Variants in OR2C3 observed in about 807,000 individuals in gnomAD.
The protein encoded by OR2C3 is olfactory receptor family 2 subfamily C member 3, also known as olfactory receptor 2C3.
For synonymous variants in OR2C3, 178 were observed against 163.4 expected (o/e 1.09, Z -0.68); for missense variants, 425 against 401.5 (o/e 1.06, Z -0.50).
rs376920492 is a variant in OR2C3 at position 247,531,766 on chromosome 1, A to T, written c.746T>A (p.Val249Glu). Residue 249 changes from valine to glutamate, a missense_variant, in exon 3 of 3, where the codon GTG becomes GAG. Val to Glu is a moderately radical substitution (Grantham distance 121). Transcript: ENST00000641802. ...FNTCSSHVAVVSLFYGSIIFM... is the reference protein window; with the variant it reads ...FNTCSSHVAVESLFYGSIIFM... ...GATGATGCTCCCGTAAAACAGAGAC[A>T]CCACAGCCACGTGGGAAGAACAGGT... 67 of 1,614,078 alleles carry T rather than the reference A, an allele frequency of 4.2e-5. No individual in the cohort carries two copies. The highest frequency in any genetic ancestry group is 5.6e-5 in the Non-Finnish European group (66 of 1,180,044).
In OR2C3 at chr1:247,527,705, A is replaced by G. The variant is rs1383938362; in HGVS notation, c.*3844T>C. On this transcript the variant is annotated 3_prime_UTR_variant, in exon 3 of 3. Transcript: ENST00000641802. The surrounding 1 kb of genome is among the most constrained non-coding windows in gnomAD (Gnocchi z 4.6). ...TAGTGATCAGATAAGTGTGATTAGAATATCCATCATCTCAAACATTTATCG... is the reference window on the plus strand; with the variant it reads ...TAGTGATCAGATAAGTGTGATTAGAGTATCCATCATCTCAAACATTTATCG... 6.6e-6 allele frequency: 1 copy of G among 152,234 alleles called. No homozygotes were observed. Among genetic ancestry groups the G allele is most frequent in the Non-Finnish European group, 1.5e-5 (1 of 68,054 alleles). 9.4% of individuals were successfully genotyped at this position (152,234 alleles called of 1,614,324 possible).
At chr1:247,535,785 T>A (rs1344848024) in intron 1 of OR2C3, among the ~76,000 whole-genome samples, 2 of 152,218 alleles carry the variant, frequency 1.3e-5, no homozygotes, top group Non-Finnish European at 1.5e-5. Context: ...AGATTCTTAG[T>A]ACAAAAATAG....
intron 1 of OR2C3, among the ~76,000 whole-genome samples, chr1:247,534,789 CAT>C (rs1395836830): frequency 6.6e-6 from 1 of 152,160 alleles, no homozygotes. Context: ...CATGAACAGA[CAT>C]GTGCATTCAG....
intron 1 of OR2C3, among the ~76,000 whole-genome samples, chr1:247,534,357 T>C (rs576884609): frequency 6.6e-6 from 1 of 152,144 alleles, no homozygotes; most frequent in African/African-American, 2.4e-5. Flanking sequence ...AAAGGTTCTG[T>C]GGGGTGGAAG....
Position 247,531,347 on chromosome 1 carries a change from A to C in OR2C3, c.*202T>G, listed in dbSNP as rs1301474012. Reference sequence around the variant, plus strand: ...TATATATAGCAAAAACCAACAACGCAATTGAACAAAACTATGATAATTAGC... The same window carrying C: ...TATATATAGCAAAAACCAACAACGCCATTGAACAAAACTATGATAATTAGC... On this transcript the variant is annotated 3_prime_UTR_variant, in exon 3 of 3. Coordinates refer to ENST00000641802, the MANE Select transcript of OR2C3 (RefSeq NM_198074.6). The C allele has an allele frequency of 1.0e-5, 6 of 602,490 alleles. No homozygotes were observed. Among genetic ancestry groups the C allele is most frequent in the Non-Finnish European group, 1.2e-5 (4 of 345,092 alleles). The allele number at this position is 602,490 out of a possible 1,614,324, so 37.3% of individuals were successfully genotyped here. A position where few individuals can be genotyped will look rare whatever the true frequency, so the allele number is the denominator to read the frequency against.
chr1:247,528,034 T>C lies in OR2C3; in HGVS notation c.*3515A>G, dbSNP rs144513786. The C allele has an allele frequency of 4.6e-5, 7 of 152,294 alleles. No homozygotes were observed. In the East Asian group the frequency reaches 7.7e-4, roughly 17 times the overall value. 9.4% of individuals were successfully genotyped at this position (152,294 alleles called of 1,614,324 possible). ...ATTTTATCTAATACTTTAAAAGTTA[T>C]GATTTCCCCCATTTGTTTCTGTTTC... On this transcript the variant is annotated 3_prime_UTR_variant, in exon 3 of 3. Transcript: ENST00000641802.
chr1:247,533,346 C>T (rs772718472), intron 2 of OR2C3, among the ~76,000 whole-genome samples, 161 bp downstream of exon 2: 8 of 152,236 alleles, frequency 5.3e-5, no homozygotes, highest in African/African-American at 9.6e-5. Flanking sequence ...CATTCTTCCC[C>T]GCAGTTAGCC....
intron 1 of OR2C3, among the ~76,000 whole-genome samples, chr1:247,535,801 T>C (rs1174863159): frequency 6.6e-6 from 1 of 152,176 alleles, no homozygotes. Context: ...AATAGCGTTT[T>C]CAGTAAAGGA....
rs1288288734 is a variant in OR2C3, at chr1:247,527,102, T to C, written c.*4447A>G. ...ATTTCCTTGGGTTCTGGAGAGGATGTCTTCATTTTCTGTTAAGCATTTAGG... is the reference window on the plus strand; with the variant it reads ...ATTTCCTTGGGTTCTGGAGAGGATGCCTTCATTTTCTGTTAAGCATTTAGG... On this transcript the variant is annotated 3_prime_UTR_variant, in exon 3 of 3. Coordinates refer to ENST00000641802, the MANE Select transcript of OR2C3 (RefSeq NM_198074.6). The surrounding 1 kb of genome is among the most constrained non-coding windows in gnomAD (Gnocchi z 4.6). 2 of 455,954 alleles carry C rather than the reference T, an allele frequency of 4.4e-6. No homozygotes were observed. The highest frequency in any genetic ancestry group is 8.8e-6 in the Non-Finnish European group (2 of 226,642). The allele number at this position is 455,954 out of a possible 1,614,324, so 28.2% of individuals were successfully genotyped here. A position where few individuals can be genotyped will look rare whatever the true frequency, so the allele number is the denominator to read the frequency against.
In OR2C3 at chr1:247,531,555, T is replaced by A. The variant is rs752103895; in HGVS notation, c.957A>T (p.Gln319His). 6.2e-7 allele frequency: 1 copy of A among 1,612,930 alleles called. No homozygotes were observed. The highest frequency in any genetic ancestry group is 1.3e-5 in the African/African-American group (1 of 74,870). ...NCCGSAGKLA[Q>H]I is the part of the protein sequence containing the mutation. ...TCAGAAGGCACTGGAGTCTCTAAAT[T>A]TGCGCCAGCTTGCCTGCAGAGCCAC... The change falls in exon 3 of 3, where the codon CAA becomes CAT. Residue 319 changes from glutamine (Q) to histidine (H), a missense_variant. Physicochemically the swap from Gln to His is conservative, Grantham distance 24. Coordinates refer to ENST00000641802, the MANE Select transcript of OR2C3 (RefSeq NM_198074.6).
chr1:247,532,235 T>A lies in OR2C3; in HGVS notation c.277A>T (p.Ile93Leu). 1 of 1,614,160 alleles carries A rather than the reference T, an allele frequency of 6.2e-7. No individual in the cohort carries two copies. The highest frequency in any genetic ancestry group is 8.5e-7 in the Non-Finnish European group (1 of 1,180,012). The change falls in exon 3 of 3, where the codon ATA becomes TTA. Residue 93 changes from isoleucine (I) to leucine (L), a missense_variant. Ile to Leu is a conservative substitution (Grantham distance 5). Coordinates refer to ENST00000641802, the MANE Select transcript of OR2C3 (RefSeq NM_198074.6). ...LANLWGPQKT[I>L]SYGGCVVQFY... Reference sequence around the variant, plus strand: ...TGGACCACACACCCTCCATAGCTTATGGTTTTCTGTGGTCCCCAGAGGTTA... The same window carrying A: ...TGGACCACACACCCTCCATAGCTTAAGGTTTTCTGTGGTCCCCAGAGGTTA...
rs1408363066 is a variant in OR2C3 at position 247,526,635 on chromosome 1, T to TA, written c.*4913_*4914insT. 7.0e-6 allele frequency: 2 copies of TA among 287,538 alleles called. No individual in the cohort carries two copies. Among genetic ancestry groups the TA allele is most frequent in the Non-Finnish European group, 1.4e-5 (2 of 148,100 alleles). The allele number at this position is 287,538 out of a possible 1,614,324, so 17.8% of individuals were successfully genotyped here. A position where few individuals can be genotyped will look rare whatever the true frequency, so the allele number is the denominator to read the frequency against. ...TGCATGCTGTGGTGATGCATGACCCTCACAGTGTGCAGCATGGGAGGAAAC... is the reference window on the plus strand; with the variant it reads ...TGCATGCTGTGGTGATGCATGACCCTACACAGTGTGCAGCATGGGAGGAAAC... On this transcript the variant is annotated 3_prime_UTR_variant, in exon 3 of 3. Transcript: ENST00000641802. This position sits in a 1 kb window ranked among gnomAD's most constrained non-coding sequence, Gnocchi z 4.8.
At position 247,533,878 on chromosome 1, in the gene OR2C3, C is replaced by T. The variant is rs916072947; in HGVS notation, c.-401G>A. On this transcript the variant is annotated splice_region_variant and 5_prime_UTR_variant, in exon 2 of 3. It removes the in-frame stop codon of an upstream open reading frame in the 5' UTR. Coordinates refer to ENST00000641802, the MANE Select transcript of OR2C3 (RefSeq NM_198074.6). ...GACAAAGGTGAAATTTTCCCTCACT[C>T]CTACGAAAGCAATCACAGGATTACA... The T allele has an allele frequency of 6.6e-6, 1 of 152,202 alleles. No homozygotes were observed. The highest frequency in any genetic ancestry group is 2.4e-5 in the African/African-American group (1 of 41,452). 9.4% of individuals were successfully genotyped at this position (152,202 alleles called of 1,614,324 possible). A position where few individuals can be genotyped will look rare whatever the true frequency, so the allele number is the denominator to read the frequency against.
In OR2C3 at chr1:247,528,882, A is replaced by G. The variant is rs1666792155; in HGVS notation, c.*2667T>C. On this transcript the variant is annotated 3_prime_UTR_variant, in exon 3 of 3. Transcript: ENST00000641802. ...AGATATCTGTCTGACATAAATGCCC[A>G]TGAGAGGGCATCCACTGCAGAGATG... 1 of 152,218 alleles carries G rather than the reference A, an allele frequency of 6.6e-6. No homozygotes were observed. Among genetic ancestry groups the G allele is most frequent in the African/African-American group, 2.4e-5 (1 of 41,464 alleles). 9.4% of individuals were successfully genotyped at this position (152,218 alleles called of 1,614,324 possible).
rs1190231860 is a variant in OR2C3, at chr1:247,528,102, T to C, written c.*3447A>G. 1.3e-5 allele frequency: 2 copies of C among 152,144 alleles called. No individual in the cohort carries two copies. Among genetic ancestry groups the C allele is most frequent in the Non-Finnish European group, 2.9e-5 (2 of 68,024 alleles). The allele number at this position is 152,144 out of a possible 1,614,324, so 9.4% of individuals were successfully genotyped here. On this transcript the variant is annotated 3_prime_UTR_variant, in exon 3 of 3. Transcript: ENST00000641802. Reference sequence around the variant, plus strand: ...AAACTGAGTAAAAAATGTCAGTAACTTGATTTCCTACCTTCCTGACTCATA... The same window carrying C: ...AAACTGAGTAAAAAATGTCAGTAACCTGATTTCCTACCTTCCTGACTCATA...
rs946603133 is a variant in OR2C3 at position 247,525,367 on chromosome 1, C to G, written c.*6182G>C. The G allele has an allele frequency of 3.9e-5, 6 of 151,964 alleles. No homozygotes were observed. The highest frequency in any genetic ancestry group is 2.9e-5 in the Non-Finnish European group (2 of 68,024). The allele number at this position is 151,964 out of a possible 1,614,324, so 9.4% of individuals were successfully genotyped here. A position where few individuals can be genotyped will look rare whatever the true frequency, so the allele number is the denominator to read the frequency against. ...TCATAAGACATCCCCGTTTCCAATA[C>G]CAATTATAAGCCTCAAGTTCTTTTT... On this transcript the variant is annotated 3_prime_UTR_variant, in exon 3 of 3. Coordinates refer to ENST00000641802, the MANE Select transcript of OR2C3 (RefSeq NM_198074.6).
chr1:247,532,779 C>A (rs1418741955), intron 2 of OR2C3, among the ~76,000 whole-genome samples: 2 of 152,050 alleles, frequency 1.3e-5, no homozygotes, highest in African/African-American at 4.8e-5. Flanking sequence ...ACATTTTATA[C>A]CCATTGTTTT....
rs761391488 is a variant in OR2C3, at chr1:247,531,537, G to A, written c.*12C>T. On this transcript the variant is annotated 3_prime_UTR_variant, in exon 3 of 3. Coordinates refer to ENST00000641802, the MANE Select transcript of OR2C3 (RefSeq NM_198074.6). ...TAAACTTGATCTTCCTTCTCAGAAG[G>A]CACTGGAGTCTCTAAATTTGCGCCA... The A allele has an allele frequency of 6.2e-7, 1 of 1,610,954 alleles. No homozygotes were observed. The highest frequency in any genetic ancestry group is 1.1e-5 in the South Asian group (1 of 90,738).
Position 247,531,884 on chromosome 1 carries a change from G to A in OR2C3, c.628C>T (p.Leu210=), listed in dbSNP as rs764131898. The A allele has an allele frequency of 6.2e-7, 1 of 1,614,198 alleles. No individual in the cohort carries two copies. The highest frequency in any genetic ancestry group is 1.1e-5 in the South Asian group (1 of 91,082). ...MYLASFVFVV[L]PLGLILVSYG... is the part of the protein sequence containing the mutation. ...GAGACCAGGATGAGCCCCAGAGGCAGGACAACAAAGACAAAGCTGGCCAGG... is the reference window on the plus strand; with the variant it reads ...GAGACCAGGATGAGCCCCAGAGGCAAGACAACAAAGACAAAGCTGGCCAGG... The change falls in exon 3 of 3, where the codon CTG becomes TTG. Residue 210 remains leucine (L), a synonymous_variant. Coordinates refer to ENST00000641802, the MANE Select transcript of OR2C3 (RefSeq NM_198074.6).
Sources: gnomAD v4.1 joint callset for allele counts (sites outside exome capture counted in the v4.1 genomes callset) on GRCh38, gnomAD v4.1.1 for gene constraint, Gnocchi (gnomAD v3.1) non-coding constraint, MANE v1.5 for transcripts, NCBI Gene and HGNC (gene_info 2026-07-23, HGNC 2026-07-21) for gene names.